Variants in SLC25A12 observed in about 807,000 individuals in gnomAD.
SLC25A12 encodes solute carrier family 25 member 12.
In SLC25A12, 32 loss-of-function variants were observed where a neutral mutation model predicts 83.3. That is an observed-to-expected ratio of 0.38 (90% CI 0.29 to 0.52). The LOEUF is 0.52. SLC25A12 is among the 20% of genes least tolerant of loss of function. The pLI is 0.84. For synonymous variants in SLC25A12, 267 were observed against 291.1 expected (o/e 0.92, Z 0.84); for missense variants, 611 against 835.6 (o/e 0.73, Z 3.31).
chr2:171,837,338 G>A, intron 5 of SLC25A12, 71 bp from the exon 6 acceptor site: 2 of 1,526,710 alleles, frequency 1.3e-6, no homozygotes, highest in Non-Finnish European at 1.8e-6. Flanking sequence ...GGAAAGGAAG[G>A]AAGGACAGAT....
At chr2:171,892,195 T>C (rs969321554) in intron 2 of SLC25A12, among the ~76,000 whole-genome samples, 9 of 151,980 alleles carry the variant, frequency 5.9e-5, no homozygotes, top group African/African-American at 2.2e-4. Flanking sequence ...AATGCAATAT[T>C]TGGTGAAACA....
intron 8 of SLC25A12, among the ~76,000 whole-genome samples, chr2:171,832,138 C>T (rs1684445034): frequency 6.6e-6 from 1 of 152,174 alleles, no homozygotes; most frequent in Non-Finnish European, 1.5e-5. Flanking sequence ...TTAAAGGATA[C>T]ACAGTCTAAG....
chr2:171,866,154 T>C (rs1385247308), intron 3 of SLC25A12, among the ~76,000 whole-genome samples: 1 of 137,186 alleles, frequency 7.3e-6, no homozygotes, highest in African/African-American at 2.8e-5. Context: ...AGCACAGGGT[T>C]GGGGGTAAGG....
chr2:171,791,025 T>C (rs987990550), intron 15 of SLC25A12, among the ~76,000 whole-genome samples: 2 of 152,108 alleles, frequency 1.3e-5, no homozygotes, highest in Non-Finnish European at 2.9e-5. Context: ...GGCCAAATCA[T>C]GTAGATTCCA....
At chr2:171,786,810 G>A (rs1353099738) in intron 17 of SLC25A12, among the ~76,000 whole-genome samples, 1 of 152,162 alleles carries the variant, frequency 6.6e-6, no homozygotes, top group Non-Finnish European at 1.5e-5. Context: ...GGTTTTTCCA[G>A]TAAATTAGCT....
At chr2:171,860,798 C>A (rs75131684) in intron 3 of SLC25A12, among the ~76,000 whole-genome samples, 3,780 of 151,826 alleles carry the variant, frequency 0.025, 59 homozygotes, top group Middle Eastern at 0.038. Context: ...ATAGTAGAAT[C>A]TGGCCAGGTA....
Position 171,815,105 on chromosome 2 carries a change from C to G in SLC25A12, c.1012+16G>C. The G allele has an allele frequency of 6.2e-7, 1 of 1,605,872 alleles. No homozygotes were observed. Among genetic ancestry groups the G allele is most frequent in the Non-Finnish European group, 8.5e-7 (1 of 1,172,574 alleles). On this transcript the variant is annotated intron_variant, in intron 10 of 17. Coordinates refer to ENST00000422440, the MANE Select transcript of SLC25A12 (RefSeq NM_003705.5). ...ATTAACACAAGCCTCAAACAGCACA[C>G]AGACATGTCACTCACCTCCAGCAAC...
intron 5 of SLC25A12, among the ~76,000 whole-genome samples, chr2:171,842,465 A>C (rs575781371): frequency 5.3e-5 from 8 of 152,188 alleles, no homozygotes; most frequent in Non-Finnish European, 8.8e-5. Flanking sequence ...ATAGTGGCGC[A>C]CACCTGTAAT....
chr2:171,802,964 AGTG>A (rs1311369607), intron 13 of SLC25A12, among the ~76,000 whole-genome samples: 4 of 150,174 alleles, frequency 2.7e-5, no homozygotes, highest in African/African-American at 7.3e-5. Flanking sequence ...GGTTTTAAAA[AGTG>A]TGTGTGTGTG....
intron 2 of SLC25A12, among the ~76,000 whole-genome samples, chr2:171,887,496 T>C (rs1032256610): frequency 2.6e-5 from 4 of 152,188 alleles, no homozygotes; most frequent in Admixed American, 6.5e-5. Flanking sequence ...TAAAAAATAA[T>C]TCATTTAAAT....
intron 10 of SLC25A12, among the ~76,000 whole-genome samples, chr2:171,813,830 T>G (rs1488181293): frequency 6.6e-6 from 1 of 152,228 alleles, no homozygotes; most frequent in Admixed American, 6.5e-5. Flanking sequence ...TAAACTATTA[T>G]GTATAACATT....
chr2:171,810,381 C>A (rs932848501), intron 11 of SLC25A12, 105 bp from the exon 12 acceptor site: 1 of 895,850 alleles, frequency 1.1e-6, no homozygotes, highest in African/African-American at 1.6e-5. Flanking sequence ...TCAAACATTG[C>A]AGAGTTTTCA....
At chr2:171,794,590 G>GAA (rs11450885) in intron 13 of SLC25A12, among the ~76,000 whole-genome samples, 117 of 135,202 alleles carry the variant, frequency 8.7e-4, no homozygotes, top group Middle Eastern at 3.9e-3. Context: ...AACTAGTAGA[G>GAA]AAAAAAAAAA....
chr2:171,874,187 T>C (rs1573999955), intron 2 of SLC25A12, among the ~76,000 whole-genome samples: 1 of 145,648 alleles, frequency 6.9e-6, no homozygotes, highest in South Asian at 2.3e-4. Context: ...GATCGCACCA[T>C]TACACTCCAG....
At chr2:171,889,322 T>G (rs958278799) in intron 2 of SLC25A12, among the ~76,000 whole-genome samples, 1 of 152,232 alleles carries the variant, frequency 6.6e-6, no homozygotes, top group Admixed American at 6.5e-5. Flanking sequence ...CAGGTTCACT[T>G]CTACTTCTTC....
rs749405862 is a variant in SLC25A12 at position 171,868,743 on chromosome 2, A to T, written c.147T>A (p.Asp49Glu). The T allele has an allele frequency of 7.4e-6, 12 of 1,614,006 alleles. No individual in the cohort carries two copies. The highest frequency in any genetic ancestry group is 9.3e-6 in the Non-Finnish European group (11 of 1,179,892). Residue 49 changes from aspartate (D) to glutamate (E), a missense_variant, in exon 3 of 18, where the codon GAT (aspartate) becomes GAA (glutamate). By Grantham distance (45) the Asp-to-Glu change is conservative. This residue lies in a region of SLC25A12 where 540 missense variants were observed against 777.5 expected (regional missense o/e 0.69). Coordinates refer to ENST00000422440, the MANE Select transcript of SLC25A12 (RefSeq NM_003705.5). Reference protein sequence around the residue: ...FVQRYLGLYNDPNSNPKIVQL... With the variant: ...FVQRYLGLYNEPNSNPKIVQL... ...GCACGATCTTTGGGTTACTATTTGG[A>T]TCATTATACAGTCCAAGATAGCGCT...
chr2:171,883,578 C>T (rs1685742067), intron 2 of SLC25A12, among the ~76,000 whole-genome samples: 1 of 151,832 alleles, frequency 6.6e-6, no homozygotes, highest in Non-Finnish European at 1.5e-5. Flanking sequence ...CCATTTACCC[C>T]CATACTTAAT....
At chr2:171,884,041 TTA>T (rs1222236262) in intron 2 of SLC25A12, among the ~76,000 whole-genome samples, 2 of 149,684 alleles carry the variant, frequency 1.3e-5, no homozygotes, top group Non-Finnish European at 3.0e-5. Context: ...CTTTTCTTTT[TTA>T]TCTTTTTTTT....
At chr2:171,886,761 T>C (rs573657085) in intron 2 of SLC25A12, among the ~76,000 whole-genome samples, 123 of 152,214 alleles carry the variant, frequency 8.1e-4, no homozygotes, top group Non-Finnish European at 1.3e-3. Flanking sequence ...CCGCCCACCT[T>C]GGCCTCCCAA....
Sources: gnomAD v4.1 joint callset for allele counts (sites outside exome capture counted in the v4.1 genomes callset) on GRCh38, gnomAD v4.1.1 for gene constraint, gnomAD v4.1.1 regional missense constraint, MANE v1.5 for transcripts, NCBI Gene and HGNC (gene_info 2026-07-23, HGNC 2026-07-21) for gene names.